Variants in MAGI2 observed in about 807,000 individuals in gnomAD.
MAGI2 encodes the protein membrane-associated guanylate kinase, WW and PDZ domain-containing protein 2.
MAGI2 carries 35 observed loss-of-function variants against 133.3 expected under a neutral mutation model. The observed-to-expected ratio is 0.26, with a 90% CI of 0.20 to 0.35. The LOEUF (loss-of-function observed/expected upper bound fraction) is 0.35, where lower values mean the gene tolerates loss of function less well. Among genes scored for constraint, MAGI2 ranks in the 10% least tolerant of loss-of-function variants. The pLI, the probability that MAGI2 is intolerant of heterozygous loss-of-function variation, is 1.00. For synonymous variants in MAGI2, 729 were observed against 710.6 expected (o/e 1.03, Z -0.41); for missense variants, 1,636 against 1,863.4 (o/e 0.88, Z 2.25).
At chr7:79,308,675 T>C (rs907554975) in intron 1 of MAGI2, among the ~76,000 whole-genome samples, 1 of 152,192 alleles carries the variant, frequency 6.6e-6, no homozygotes, top group Non-Finnish European at 1.5e-5. Context: ...AAGAAGAACA[T>C]GCCTTAAAGA....
At chr7:79,036,800 G>A (rs1811166196) in intron 1 of MAGI2, among the ~76,000 whole-genome samples, 1 of 152,098 alleles carries the variant, frequency 6.6e-6, no homozygotes, top group Admixed American at 6.6e-5. Flanking sequence ...ATCAATGAAT[G>A]AATAAAATAA....
intron 1 of MAGI2, among the ~76,000 whole-genome samples, chr7:79,059,240 AT>A (rs1302469877): frequency 2.6e-5 from 4 of 151,846 alleles, no homozygotes; most frequent in Non-Finnish European, 5.9e-5. Context: ...ATTTTTAATG[AT>A]TTTTTAATAT....
At chr7:78,535,403 T>C (rs954044495) in intron 3 of MAGI2, among the ~76,000 whole-genome samples, 7 of 152,176 alleles carry the variant, frequency 4.6e-5, no homozygotes, top group African/African-American at 1.7e-4. Flanking sequence ...TTAAAACAGA[T>C]GTCAGGCTGC....
chr7:78,705,085 G>A (rs1818498283), intron 2 of MAGI2, among the ~76,000 whole-genome samples: 1 of 151,906 alleles, frequency 6.6e-6, no homozygotes, highest in Non-Finnish European at 1.5e-5. Flanking sequence ...CCTTTTTGGG[G>A]GAAGAACTGG....
Position 79,337,941 on chromosome 7 carries a change from T to C in MAGI2, c.301+115079A>G, listed in dbSNP as rs944854509. 3.0e-4 allele frequency among the ~76,000 whole-genome samples: 45 copies of C among 152,080 alleles called. 1 individual carries two copies. The highest frequency in any genetic ancestry group is 9.9e-4 in the African/African-American group (41 of 41,426). ...TGAGCTGCATGCAAATGAGTAAAGC[T>C]AGTGACCCGGGAATATCTTCCTATT... On this transcript the variant is annotated intron_variant, in intron 1 of 21. Transcript: ENST00000354212.
intron 6 of MAGI2, among the ~76,000 whole-genome samples, chr7:78,459,602 A>T (rs1789743289): frequency 6.6e-6 from 1 of 152,234 alleles, no homozygotes; most frequent in African/African-American, 2.4e-5. Flanking sequence ...CAGTAGAGAT[A>T]AAGATTACTT....
intron 2 of MAGI2, among the ~76,000 whole-genome samples, chr7:78,963,769 T>C (rs1440941477): frequency 2.0e-5 from 3 of 152,038 alleles, no homozygotes; most frequent in Admixed American, 2.0e-4. Context: ...GGAATAGGTA[T>C]ACAGATAAAG....
chr7:79,078,291 T>C lies in MAGI2; in HGVS notation c.302-71085A>G, dbSNP rs1303061712. 8.1e-5 allele frequency among the ~76,000 whole-genome samples: 5 copies of C among 61,588 alleles called. No homozygotes were observed. The East Asian group carries it at 1.1e-3, about 13-fold the overall frequency. 40.4% of individuals were successfully genotyped at this position (61,588 alleles called of 152,430 possible). ...TACAACTGAATACAAACCGATTCCA[T>C]AGGTGGTTTTTTTTTTAGGTGAATG... is the stretch of plus-strand genomic sequence containing the variant. On this transcript the variant is annotated intron_variant, in intron 1 of 21. Transcript: ENST00000354212.
At chr7:79,359,577 AC>A (rs1428917035) in intron 1 of MAGI2, among the ~76,000 whole-genome samples, 1 of 151,816 alleles carries the variant, frequency 6.6e-6, no homozygotes, top group Non-Finnish European at 1.5e-5. Flanking sequence ...ACAAAGAAAA[AC>A]CCTAAATCAG....
chr7:78,585,477 G>C (rs552969001), intron 3 of MAGI2, among the ~76,000 whole-genome samples: 1 of 152,178 alleles, frequency 6.6e-6, no homozygotes, highest in African/African-American at 2.4e-5. Flanking sequence ...TGCCTGATAC[G>C]TAGTTGAAAG....
chr7:78,900,329 ATGT>A (rs1797525593), intron 2 of MAGI2, among the ~76,000 whole-genome samples: 2 of 152,210 alleles, frequency 1.3e-5, no homozygotes, highest in Admixed American at 1.3e-4. Flanking sequence ...CTCTCCTTTG[ATGT>A]TTTCCTATCA....
At chr7:79,097,973 T>A (rs59402705) in intron 1 of MAGI2, among the ~76,000 whole-genome samples, 5,603 of 152,112 alleles carry the variant, frequency 0.037, 223 homozygotes, top group African/African-American at 0.1. Flanking sequence ...AATACAAAAC[T>A]TAGCCGGACA....
chr7:78,213,501 T>C lies in MAGI2; in HGVS notation c.2048-12308A>G, dbSNP rs1262227040. On this transcript the variant is annotated intron_variant, in intron 10 of 21. Coordinates refer to ENST00000354212, the MANE Select transcript of MAGI2 (RefSeq NM_012301.4). ...AGTCAAAGCTCTTGGTTCACACTTC[T>C]GTTAAGTTTAGCCTAAAGCTGCCTC... Among the ~76,000 whole-genome samples, 4 of 152,328 alleles carry C rather than the reference T, an allele frequency of 2.6e-5. No individual in the cohort carries two copies. The East Asian group carries it at 5.8e-4, about 22-fold the overall frequency.
chr7:78,643,547 A>T (rs779242634), intron 2 of MAGI2, among the ~76,000 whole-genome samples: 1 of 152,174 alleles, frequency 6.6e-6, no homozygotes, highest in Non-Finnish European at 1.5e-5. Flanking sequence ...AATCTATTTC[A>T]TCATCCTGGA....
At chr7:78,196,234 A>G (rs1325281486) in intron 11 of MAGI2, among the ~76,000 whole-genome samples, 1 of 151,244 alleles carries the variant, frequency 6.6e-6, no homozygotes, top group African/African-American at 2.4e-5. Context: ...CCTTTCCTAG[A>G]GGGCTCTTGC....
At chr7:78,241,433 G>A (rs1791125203) in intron 10 of MAGI2, among the ~76,000 whole-genome samples, 1 of 152,052 alleles carries the variant, frequency 6.6e-6, no homozygotes, top group Admixed American at 6.6e-5. Context: ...TGCTTAGGAT[G>A]GGGTATCTTG....
chr7:78,677,341 T>C (rs552819522), intron 2 of MAGI2, among the ~76,000 whole-genome samples: 16 of 151,476 alleles, frequency 1.1e-4, no homozygotes, highest in African/African-American at 3.4e-4. Flanking sequence ...TGGAAGCCTA[T>C]CTTTTTTCTC....
intron 4 of MAGI2, among the ~76,000 whole-genome samples, chr7:78,516,486 G>A (rs1796054160): frequency 6.6e-6 from 1 of 152,098 alleles, no homozygotes. Flanking sequence ...CCAAGGAGCT[G>A]GGACTACAGA....
rs1405545566 is a variant in MAGI2, at chr7:78,019,245, A to T, written c.*70T>A. On this transcript the variant is annotated 3_prime_UTR_variant, in exon 22 of 22. Coordinates refer to ENST00000354212, the MANE Select transcript of MAGI2 (RefSeq NM_012301.4). ...GCGTGTGACAGTGAAAATAAATTAA[A>T]ACGCCGTGAGACGGAACCTAAGAAG... The T allele has an allele frequency of 1.3e-6, 2 of 1,538,654 alleles. No individual in the cohort carries two copies. The highest frequency in any genetic ancestry group is 2.7e-5 in the African/African-American group (2 of 73,154).
Sources: gnomAD v4.1 joint callset for allele counts (sites outside exome capture counted in the v4.1 genomes callset) on GRCh38, gnomAD v4.1.1 for gene constraint, MANE v1.5 for transcripts, NCBI Gene and HGNC (gene_info 2026-07-23, HGNC 2026-07-21) for gene names.